The following DOCK10 variants were observed in gnomAD, a reference collection of about 807,000 sequenced individuals.
DOCK10 encodes dedicator of cytokinesis 10.
In DOCK10, 145 loss-of-function variants were observed where a neutral mutation model predicts 280.1. That is an observed-to-expected ratio of 0.52 (90% CI 0.45 to 0.59). The LOEUF (loss-of-function observed/expected upper bound fraction) is 0.59, where lower values mean the gene tolerates loss of function less well. DOCK10 is among the 20% of genes least tolerant of loss of function. The probability of loss-of-function intolerance (pLI) is 0.00; values close to 1 mark genes in which losing one functional copy is unlikely to be tolerated. For missense variants in DOCK10, 2,368 were observed against 2,651.7 expected (o/e 0.89, Z 2.35); for synonymous variants, 915 against 942.2 (o/e 0.97, Z 0.53).
intron 11 of DOCK10, among the ~76,000 whole-genome samples, chr2:224,866,528 G>A (rs748320320): frequency 6.6e-6 from 1 of 152,052 alleles, no homozygotes; most frequent in Non-Finnish European, 1.5e-5. Context: ...ATTACCCCCA[G>A]GTCTTGCTAC....
chr2:224,818,317 C>CA (rs1163700002), intron 29 of DOCK10, among the ~76,000 whole-genome samples: 2 of 151,562 alleles, frequency 1.3e-5, no homozygotes, highest in Non-Finnish European at 2.9e-5. Flanking sequence ...AATTGCCTAA[C>CA]AATGCTTTTC....
In DOCK10 at chr2:224,786,411, G is replaced by A. The variant is rs1691734992; in HGVS notation, c.5655+611C>T. 6.6e-6 allele frequency among the ~76,000 whole-genome samples: 1 copy of A among 152,190 alleles called. No individual in the cohort carries two copies. The highest frequency in any genetic ancestry group is 2.4e-5 in the African/African-American group (1 of 41,448). On this transcript the variant is annotated intron_variant, in intron 50 of 55. Coordinates refer to ENST00000258390, the MANE Select transcript of DOCK10 (RefSeq NM_014689.3). The surrounding 1 kb of genome is among the most constrained non-coding windows in gnomAD (Gnocchi z 4.7). The stretch of plus-strand genomic sequence containing the variant: ...GACATTCATAATTAATATATAGTAT[G>A]TTCACTTTCAGGCCAACACTGTGGC...
intron 46 of DOCK10, 124 bp downstream of exon 46, chr2:224,793,276 T>C: frequency 1.2e-6 from 1 of 835,386 alleles, no homozygotes; most frequent in Non-Finnish European, 1.8e-6. Context: ...ATTAGAAGTA[T>C]CTGTGAAAGC....
At chr2:224,784,915 T>A (rs1455736519) in intron 50 of DOCK10, among the ~76,000 whole-genome samples, 1 of 152,224 alleles carries the variant, frequency 6.6e-6, no homozygotes. Flanking sequence ...CGGGGTTTTT[T>A]ACTTTTTCAT....
At chr2:224,976,476 A>G (rs1705447765) in intron 1 of DOCK10, among the ~76,000 whole-genome samples, 1 of 152,142 alleles carries the variant, frequency 6.6e-6, no homozygotes, top group South Asian at 2.1e-4. Context: ...TTAGCCAACT[A>G]GGAGAAATGA....
intron 16 of DOCK10, among the ~76,000 whole-genome samples, chr2:224,853,812 C>G (rs955476079): frequency 6.6e-6 from 1 of 152,214 alleles, no homozygotes; most frequent in African/African-American, 2.4e-5. Context: ...CCCTTTACCC[C>G]ACCTGGAATC....
chr2:224,794,753 C>T, intron 45 of DOCK10, 126 bp downstream of exon 45: 1 of 835,714 alleles, frequency 1.2e-6, no homozygotes, highest in East Asian at 2.5e-5. Context: ...TGATATATAA[C>T]TGAGTCATTT....
intron 1 of DOCK10, among the ~76,000 whole-genome samples, chr2:224,999,857 C>T (rs1706380242): frequency 6.6e-6 from 1 of 152,084 alleles, no homozygotes; most frequent in African/African-American, 2.4e-5. Context: ...CAGTATGCAA[C>T]AGTAAATATG....
At chr2:224,855,667 G>A (rs907557994) in intron 15 of DOCK10, among the ~76,000 whole-genome samples, 2 of 151,992 alleles carry the variant, frequency 1.3e-5, no homozygotes, top group Non-Finnish European at 2.9e-5. Context: ...AAAACCTCTC[G>A]CCAATCTTCC....
intron 1 of DOCK10, among the ~76,000 whole-genome samples, chr2:225,008,635 C>T (rs1425462336): frequency 6.6e-6 from 1 of 151,982 alleles, no homozygotes; most frequent in Non-Finnish European, 1.5e-5. Context: ...TGTTATGTAC[C>T]AAAGACCATA....
chr2:224,919,953 A>G (rs1414664145), intron 2 of DOCK10, among the ~76,000 whole-genome samples: 1 of 152,154 alleles, frequency 6.6e-6, no homozygotes, highest in Non-Finnish European at 1.5e-5. Flanking sequence ...TGTGGCTACC[A>G]ATTCAAACCA....
At chr2:224,962,212 T>C (rs1353256409) in intron 1 of DOCK10, among the ~76,000 whole-genome samples, 1 of 151,732 alleles carries the variant, frequency 6.6e-6, no homozygotes, top group Non-Finnish European at 1.5e-5. Context: ...GTTAGGGGAA[T>C]GCATAACTTA....
chr2:224,797,957 G>A lies in DOCK10; in HGVS notation c.4519C>T (p.Gln1507Ter). 1 of 1,613,254 alleles carries A rather than the reference G, an allele frequency of 6.2e-7. No individual in the cohort carries two copies. The highest frequency in any genetic ancestry group is 8.5e-7 in the Non-Finnish European group (1 of 1,179,596). ...FTQTHQRQLQ[Q>*]CDCQNSLMKR... The stretch of plus-strand genomic sequence containing the variant: ...ATCAATGAATTTTGACAGTCACATT[G>A]TTGGAGTTGTCTCTGGAAATTCAAT... Residue 1507 changes from glutamine to a stop codon, truncating the protein, a stop_gained, in exon 42 of 56, where the codon CAA becomes TAA. Transcript: ENST00000258390. LOFTEE classifies it high-confidence loss of function.
chr2:224,788,572 T>G (rs1691912807), intron 48 of DOCK10, among the ~76,000 whole-genome samples: 1 of 152,214 alleles, frequency 6.6e-6, no homozygotes, highest in Admixed American at 6.5e-5. Context: ...AATATTTTAC[T>G]TAATGAGAGG....
At chr2:224,918,956 G>C (rs1021826493) in intron 2 of DOCK10, among the ~76,000 whole-genome samples, 14 of 145,182 alleles carry the variant, frequency 9.6e-5, no homozygotes, top group Middle Eastern at 3.6e-3. Context: ...TGTGTGTGGT[G>C]TGTGTGTGTA....
At chr2:224,795,255 C>T in intron 44 of DOCK10, 161 bp from the exon 45 acceptor site, 1 of 632,468 alleles carries the variant, frequency 1.6e-6, no homozygotes, top group Non-Finnish European at 2.7e-6. Flanking sequence ...TGTTTTGTGA[C>T]TGTGGATACA....
chr2:224,885,818 A>T lies in DOCK10; in HGVS notation c.613-13T>A. The T allele has an allele frequency of 6.2e-7, 1 of 1,610,872 alleles. No individual in the cohort carries two copies. The highest frequency in any genetic ancestry group is 8.5e-7 in the Non-Finnish European group (1 of 1,179,148). On this transcript the variant is annotated splice_polypyrimidine_tract_variant and intron_variant, in intron 6 of 55. Coordinates refer to ENST00000258390, the MANE Select transcript of DOCK10 (RefSeq NM_014689.3). ...GCTTTTTGAATGACTAAATAAAGGA[A>T]AAGATATAAGGAGATATTCAAATTG...
intron 1 of DOCK10, among the ~76,000 whole-genome samples, chr2:224,981,180 C>A (rs6707384): frequency 2.0e-5 from 3 of 152,118 alleles, no homozygotes; most frequent in Non-Finnish European, 4.4e-5. Context: ...TTCCTATTTA[C>A]TGTTTCCTTT....
intron 1 of DOCK10, among the ~76,000 whole-genome samples, chr2:225,006,226 G>T (rs1270794622): frequency 1.3e-5 from 2 of 152,004 alleles, no homozygotes; most frequent in Non-Finnish European, 1.5e-5. Context: ...GAGTGGCATG[G>T]GTTAGTATAA....
Sources: allele counts gnomAD v4.1 joint callset (sites outside exome capture counted in the v4.1 genomes callset), GRCh38; gene constraint gnomAD v4.1.1; non-coding constraint Gnocchi (gnomAD v3.1); transcripts MANE v1.5; gene names NCBI Gene and HGNC (gene_info 2026-07-23, HGNC 2026-07-21).